The following ZNF518A variants were observed in gnomAD, a reference collection of about 807,000 sequenced individuals.
ZNF518A encodes zinc finger protein 518.
In ZNF518A, 47 loss-of-function variants were observed where a neutral mutation model predicts 102.7. The ratio of observed to expected loss-of-function variants is 0.46; its 90% confidence interval spans 0.36 to 0.58. ZNF518A has a LOEUF of 0.58. ZNF518A is among the 20% of genes least tolerant of loss of function. The pLI is 0.00. For missense variants in ZNF518A, 1,793 were observed against 1,699.8 expected (o/e 1.05, Z -0.96); for synonymous variants, 652 against 594.6 (o/e 1.10, Z -1.40).
intron 3 of ZNF518A, among the ~76,000 whole-genome samples, chr10:96,141,420 T>C (rs782142201): frequency 2.0e-5 from 3 of 152,178 alleles, no homozygotes; most frequent in Non-Finnish European, 4.4e-5. Flanking sequence ...GGAGATGCCA[T>C]GCCTGGTGAC....
At position 96,160,037 on chromosome 10, in the gene ZNF518A, T is replaced by G; in HGVS notation, c.3715T>G (p.Cys1239Gly). Residue 1239 changes from cysteine to glycine, a missense_variant, in exon 6 of 6, where the codon TGT becomes GGT. By Grantham distance (159) the Cys-to-Gly change is radical. Around this residue, in one of 3 missense-constraint regions of ZNF518A, gnomAD observed 1,741 missense variants for 1,622.6 expected, o/e 1.07. Transcript: ENST00000316045. ...CAGGGTATTAAGGTGTAAAACAAAT[T>G]GTAGAATTGAGAGGAACTTCAATAG... ...ESRVLRCKTN[C>G]RIERNFNRKK... The G allele has an allele frequency of 6.2e-7, 1 of 1,610,838 alleles. No individual in the cohort carries two copies.
rs372896439 is a variant in ZNF518A at position 96,195,016 on chromosome 10, G to A, written n.36-8558G>A. 4.0e-5 allele frequency among the ~76,000 whole-genome samples: 6 copies of A among 151,742 alleles called. No homozygotes were observed. The East Asian group carries it at 5.8e-4, about 15-fold the overall frequency. On this transcript the variant is annotated intron_variant and non_coding_transcript_variant, in intron 1 of 2. Coordinates refer to the ZNF518A transcript ENST00000442635. ...GATCTCCTGACCTCGTGATCCGCCC[G>A]TCTCGGCCTCCCAAAGTGCTGGGAT...
In ZNF518A at chr10:96,172,203, AAG is replaced by A. The variant is rs587730855; in HGVS notation, n.35+16160_35+16161del. ...ATTACATGAAAGTAAGTAAGTATAA[AAG>A]AGAATATAATTGCATCTTTATTTTC... is the stretch of plus-strand genomic sequence containing the variant. On this transcript the variant is annotated intron_variant and non_coding_transcript_variant, in intron 1 of 2. Transcript: ENST00000442635. 3.0e-4 allele frequency among the ~76,000 whole-genome samples: 45 copies of A among 152,292 alleles called. No individual in the cohort carries two copies. In the South Asian group the frequency reaches 8.1e-3, roughly 27 times the overall value.
chr10:96,175,877 CCCTT>C (rs782226974), intron 1 of ZNF518A, among the ~76,000 whole-genome samples: 2,476 of 49,264 alleles, frequency 0.05, 63 homozygotes, highest in African/African-American at 0.071. Flanking sequence ...CTCCCTCCCT[CCCTT>C]CCTTCCTTCC....
chr10:96,188,724 A>T (rs73320961), intron 1 of ZNF518A, among the ~76,000 whole-genome samples: 4 of 152,320 alleles, frequency 2.6e-5, no homozygotes, highest in African/African-American at 7.2e-5. Flanking sequence ...AAACCTTTCC[A>T]TACAAAATTT....
At chr10:96,204,999 A>C (rs1333146103), downstream of ZNF518A, 4 of 313,776 alleles carry the variant, frequency 1.3e-5, no homozygotes, top group Non-Finnish European at 2.5e-5. Context: ...ACACAGGTGG[A>C]GACAACACCC....
intron 1 of ZNF518A, chr10:96,197,093 A>G: frequency 6.4e-7 from 1 of 1,565,152 alleles, no homozygotes; most frequent in East Asian, 2.3e-5. Context: ...AAACATAATT[A>G]TGGTTAGTAT....
At chr10:96,198,448 T>G (rs2083532637) in intron 1 of ZNF518A, among the ~76,000 whole-genome samples, 1 of 152,234 alleles carries the variant, frequency 6.6e-6, no homozygotes, top group Non-Finnish European at 1.5e-5. Context: ...GATTTGGAAT[T>G]ATCAACTCAG....
At chr10:96,140,684 A>T (rs888139614) in intron 3 of ZNF518A, among the ~76,000 whole-genome samples, 8 of 151,928 alleles carry the variant, frequency 5.3e-5, no homozygotes, top group African/African-American at 1.9e-4. Flanking sequence ...TAGTCTCAGC[A>T]CTTTGGGAGG....
intron 1 of ZNF518A, among the ~76,000 whole-genome samples, chr10:96,175,557 A>C (rs1554891340): frequency 6.6e-6 from 1 of 152,216 alleles, no homozygotes; most frequent in Admixed American, 6.5e-5. Context: ...GTTTAAGAAA[A>C]GCCAGCAAAC....
At chr10:96,173,876 G>A (rs11188645) in intron 1 of ZNF518A, among the ~76,000 whole-genome samples, 4,632 of 152,176 alleles carry the variant, frequency 0.03, 236 homozygotes, top group East Asian at 0.17. Flanking sequence ...ACAAGTCTCA[G>A]TGAATTTGAG....
At chr10:96,165,879 TC>T (rs2083135769), downstream of ZNF518A, among the ~76,000 whole-genome samples, 1 of 152,130 alleles carries the variant, frequency 6.6e-6, no homozygotes, top group South Asian at 2.1e-4. Flanking sequence ...GGCTAGGAAG[TC>T]CCACACTAGG....
At chr10:96,150,032 A>C (rs1564758658) in intron 3 of ZNF518A, among the ~76,000 whole-genome samples, 1 of 151,950 alleles carries the variant, frequency 6.6e-6, no homozygotes, top group African/African-American at 2.4e-5. Flanking sequence ...TCTGATTAAT[A>C]TTGGTGTCTG....
chr10:96,191,191 G>T (rs1237656385), intron 1 of ZNF518A, among the ~76,000 whole-genome samples: 2 of 149,636 alleles, frequency 1.3e-5, no homozygotes, highest in Non-Finnish European at 3.0e-5. Flanking sequence ...TGCCATGATT[G>T]TGAGGCCTCC....
At chr10:96,149,123 T>G (rs587717969) in intron 3 of ZNF518A, among the ~76,000 whole-genome samples, 2 of 152,250 alleles carry the variant, frequency 1.3e-5, no homozygotes, top group East Asian at 3.9e-4. Context: ...ATACAAAACA[T>G]AAGTACATGT....
At chr10:96,202,744 C>T (rs1225686516) in intron 1 of ZNF518A, among the ~76,000 whole-genome samples, 2 of 152,176 alleles carry the variant, frequency 1.3e-5, no homozygotes, top group Non-Finnish European at 2.9e-5. Context: ...TCCCTAGGTG[C>T]ACAGTGCAGG....
At chr10:96,192,761 AT>A in intron 1 of ZNF518A, among the ~76,000 whole-genome samples, 1 of 152,204 alleles carries the variant, frequency 6.6e-6, no homozygotes, top group Non-Finnish European at 1.5e-5. Context: ...CTGAAAAATA[AT>A]TAAAGTTTTG....
At chr10:96,182,540 A>G (rs1370385724) in intron 1 of ZNF518A, among the ~76,000 whole-genome samples, 1 of 152,204 alleles carries the variant, frequency 6.6e-6, no homozygotes, top group Non-Finnish European at 1.5e-5. Context: ...TTTTAGCATG[A>G]AGGCTGTTGA....
chr10:96,133,826 G>A (rs1366831683), intron 3 of ZNF518A, among the ~76,000 whole-genome samples, 178 bp downstream of exon 3: 3 of 152,108 alleles, frequency 2.0e-5, no homozygotes, highest in African/African-American at 7.2e-5. Flanking sequence ...TTTTACAAAG[G>A]CATGAATTTT....
Sources: gnomAD v4.1 joint callset for allele counts (sites outside exome capture counted in the v4.1 genomes callset) on GRCh38, gnomAD v4.1.1 for gene constraint, gnomAD v4.1.1 regional missense constraint, MANE v1.5 for transcripts, NCBI Gene and HGNC (gene_info 2026-07-23, HGNC 2026-07-21) for gene names.